PTPN12: variants seen among roughly 807,000 people sequenced by gnomAD.
PTPN12 encodes tyrosine-protein phosphatase non-receptor type 12.
A neutral mutation model predicts 97.6 loss-of-function variants in PTPN12; 29 were observed. That is an observed-to-expected ratio of 0.30 (90% CI 0.22 to 0.41). The LOEUF (loss-of-function observed/expected upper bound fraction) is 0.41. PTPN12 is among the 10% of genes least tolerant of loss of function. The pLI, the probability that PTPN12 is intolerant of heterozygous loss-of-function variation, is 1.00. For missense variants in PTPN12, 819 were observed against 926.0 expected, an observed-to-expected ratio of 0.88 and a Z score of 1.50; for synonymous variants, 327 against 300.4, an observed-to-expected ratio of 1.09 and a Z score of -0.91.
intron 17 of PTPN12, 192 bp downstream of exon 17, chr7:77,638,923 G>A (rs1789703077): frequency 1.0e-6 from 1 of 1,001,454 alleles, no homozygotes; most frequent in Non-Finnish European, 1.3e-6. Context: ...ATAGAAAACT[G>A]CAGTATAAAA....
chr7:77,580,308 C>G (rs531764319), intron 2 of PTPN12, among the ~76,000 whole-genome samples: 1 of 152,180 alleles, frequency 6.6e-6, no homozygotes, highest in Non-Finnish European at 1.5e-5. Context: ...GCCTGAGTGA[C>G]AGAGTGAGAC....
Position 77,537,298 on chromosome 7 carries a change from A to C in PTPN12, c.-249A>C. ...CAAGCTGGGGGTTGGGGTTGGCGCT[A>C]GCGCAGCGGCTCGCCTGGTACTGTG... On this transcript the variant is annotated 5_prime_UTR_variant, in exon 1 of 18. Coordinates refer to ENST00000248594, the MANE Select transcript of PTPN12 (RefSeq NM_002835.4). 1 of 236,576 alleles carries C rather than the reference A, an allele frequency of 4.2e-6. No homozygotes were observed. Among genetic ancestry groups the C allele is most frequent in the Non-Finnish European group, 6.5e-6 (1 of 153,588 alleles). 14.7% of individuals were successfully genotyped at this position (236,576 alleles called of 1,614,324 possible). A position where few individuals can be genotyped will look rare whatever the true frequency, so the allele number is the denominator to read the frequency against.
rs760392357 is a variant in PTPN12 at position 77,581,423 on chromosome 7, G to A, written c.209-4G>A. ...TACATATTTTATGAATTTTTTTCTC[G>A]TAGTTGATCACAGCCGAGTTAAATT... On this transcript the variant is annotated splice_region_variant and splice_polypyrimidine_tract_variant and intron_variant, in intron 2 of 17. Transcript: ENST00000248594. 2.1e-5 allele frequency: 34 copies of A among 1,596,368 alleles called. 1 individual carries two copies. The highest frequency in any genetic ancestry group is 9.0e-5 in the East Asian group (4 of 44,222).
intron 1 of PTPN12, among the ~76,000 whole-genome samples, chr7:77,565,297 G>T (rs370749865): frequency 6.6e-6 from 1 of 152,162 alleles, no homozygotes; most frequent in African/African-American, 2.4e-5. Flanking sequence ...TTTAACGCTT[G>T]TCTGTCTAAA....
chr7:77,553,869 C>T, intron 1 of PTPN12, among the ~76,000 whole-genome samples: 1 of 148,524 alleles, frequency 6.7e-6, no homozygotes, highest in Admixed American at 6.8e-5. Flanking sequence ...TTTTGTCTTC[C>T]ACTGTTTTTC....
intron 5 of PTPN12, among the ~76,000 whole-genome samples, chr7:77,588,100 A>G (rs546515927): frequency 6.6e-6 from 1 of 152,262 alleles, no homozygotes; most frequent in South Asian, 2.1e-4. Flanking sequence ...TGTTTCCTGG[A>G]GTAGCTCTTT....
chr7:77,611,778 G>A (rs1788577190), intron 11 of PTPN12, among the ~76,000 whole-genome samples: 1 of 152,158 alleles, frequency 6.6e-6, no homozygotes, highest in African/African-American at 2.4e-5. Flanking sequence ...CAGTTAAGCA[G>A]AATTAAAGAG....
At chr7:77,596,740 T>C (rs1283277523) in intron 6 of PTPN12, among the ~76,000 whole-genome samples, 1 of 152,182 alleles carries the variant, frequency 6.6e-6, no homozygotes, top group Non-Finnish European at 1.5e-5. Context: ...AGAGCAGTTT[T>C]AGGTTTACAG....
intron 1 of PTPN12, among the ~76,000 whole-genome samples, chr7:77,570,851 T>C (rs1310494042): frequency 2.0e-5 from 3 of 152,256 alleles, no homozygotes; most frequent in Non-Finnish European, 4.4e-5. Flanking sequence ...ATATTACTTT[T>C]ATTCTGTTTT....
intron 1 of PTPN12, among the ~76,000 whole-genome samples, chr7:77,557,470 G>A (rs1807774975): frequency 6.6e-6 from 1 of 152,168 alleles, no homozygotes; most frequent in Non-Finnish European, 1.5e-5. Context: ...TCTAAGAAAA[G>A]TTGTTGATTT....
intron 1 of PTPN12, among the ~76,000 whole-genome samples, chr7:77,567,256 C>T (rs1435899496): frequency 6.7e-6 from 1 of 150,114 alleles, no homozygotes; most frequent in African/African-American, 2.4e-5. Flanking sequence ...TAATTTTGTA[C>T]CCACAGAGTT....
At chr7:77,624,564 T>C (rs1053460741) in intron 12 of PTPN12, among the ~76,000 whole-genome samples, 1 of 151,868 alleles carries the variant, frequency 6.6e-6, no homozygotes, top group African/African-American at 2.4e-5. Context: ...CTCAGCTTCC[T>C]GAGTAGCTGG....
At chr7:77,594,313 A>G (rs1562735729) in intron 6 of PTPN12, among the ~76,000 whole-genome samples, 1 of 152,222 alleles carries the variant, frequency 6.6e-6, no homozygotes, top group East Asian at 1.9e-4. Context: ...AAAAACGTTA[A>G]AAATCCCACT....
rs1225538267 is a variant in PTPN12, at chr7:77,627,474, A to C, written c.1795A>C (p.Asn599His). 1.2e-6 allele frequency: 2 copies of C among 1,613,676 alleles called. No homozygotes were observed. Among genetic ancestry groups the C allele is most frequent in the African/African-American group, 2.7e-5 (2 of 74,928 alleles). ...PLFRTPLSFTNPLHSDDSDSD... is the reference protein window; with the variant it reads ...PLFRTPLSFTHPLHSDDSDSD... ...CTTCAGAACACCCCTCAGTTTTACT[A>C]ATCCACTTCACTCTGATGACTCAGA... Residue 599 changes from asparagine to histidine, a missense_variant, in exon 13 of 18, where the codon AAT becomes CAT. This residue lies in a region of PTPN12 where 607 missense variants were observed against 577.3 expected (regional missense o/e 1.05). Coordinates refer to ENST00000248594, the MANE Select transcript of PTPN12 (RefSeq NM_002835.4).
chr7:77,551,775 C>CT (rs1807490581), intron 1 of PTPN12, among the ~76,000 whole-genome samples: 1 of 152,198 alleles, frequency 6.6e-6, no homozygotes, highest in Admixed American at 6.5e-5. Flanking sequence ...GATAGGGGCT[C>CT]TTTTCAAACT....
At chr7:77,620,008 AT>A (rs1390863656) in intron 12 of PTPN12, among the ~76,000 whole-genome samples, 2 of 152,232 alleles carry the variant, frequency 1.3e-5, no homozygotes, top group South Asian at 4.1e-4. Flanking sequence ...CCTATAAAAT[AT>A]TAAGTTCTCT....
chr7:77,563,923 CTTT>C (rs367743089), intron 1 of PTPN12: 1 of 426,438 alleles, frequency 2.3e-6, no homozygotes, highest in Non-Finnish European at 4.7e-6. Flanking sequence ...TGCATTTTTT[CTTT>C]TTTTTTGAGA....
At chr7:77,546,097 A>G (rs1298756717) in intron 1 of PTPN12, among the ~76,000 whole-genome samples, 2 of 152,062 alleles carry the variant, frequency 1.3e-5, no homozygotes, top group Non-Finnish European at 2.9e-5. Context: ...ACACACAGCT[A>G]CTTTTTTTAT....
intron 9 of PTPN12, among the ~76,000 whole-genome samples, chr7:77,607,926 T>C (rs891949230): frequency 6.6e-6 from 1 of 152,110 alleles, no homozygotes; most frequent in African/African-American, 2.4e-5. Context: ...GCTAATGTTT[T>C]ATATTTTTGG....
Sources: gnomAD v4.1 joint callset for allele counts (sites outside exome capture counted in the v4.1 genomes callset) on GRCh38, gnomAD v4.1.1 for gene constraint, gnomAD v4.1.1 regional missense constraint, MANE v1.5 for transcripts, NCBI Gene and HGNC (gene_info 2026-07-23, HGNC 2026-07-21) for gene names.